HTR2A: variants seen among roughly 807,000 people sequenced by gnomAD.
HTR2A encodes the protein 5-hydroxytryptamine receptor 2A.
Under a neutral mutation model 31.0 loss-of-function variants are expected in HTR2A, and 14 were observed. That is an observed-to-expected ratio of 0.45 (90% confidence interval 0.30 to 0.71). The LOEUF (loss-of-function observed/expected upper bound fraction) is 0.71, where lower values mean the gene tolerates loss of function less well. Among genes scored for constraint, HTR2A ranks in the 30% least tolerant of loss-of-function variants. The pLI is 0.09. For missense variants in HTR2A, 442 were observed against 573.3 expected, an observed-to-expected ratio of 0.77 and a Z score of 2.34; for synonymous variants, 209 against 225.2, an observed-to-expected ratio of 0.93 and a Z score of 0.64.
intron 3 of HTR2A, among the ~76,000 whole-genome samples, chr13:46,889,038 G>A (rs557461505): frequency 2.2e-4 from 34 of 152,214 alleles, no homozygotes; most frequent in African/African-American, 8.2e-4. Context: ...AACATTATAT[G>A]TAAAAGGACT....
chr13:46,846,932 A>C (rs1351686875), intron 3 of HTR2A, among the ~76,000 whole-genome samples: 1 of 152,218 alleles, frequency 6.6e-6, no homozygotes, highest in Non-Finnish European at 1.5e-5. Context: ...CAGTCATGCA[A>C]GCCCTGGAAA....
Position 46,844,051 on chromosome 13 carries a change from CCTT to C in HTR2A, c.614-8415_614-8413del, listed in dbSNP as rs547845648. On this transcript the variant is annotated intron_variant, in intron 3 of 3. Transcript: ENST00000542664. The stretch of plus-strand genomic sequence containing the variant: ...AGAACTATTTTTCTTACTCAATATT[CCTT>C]CAACACCTCCATAAATAAATTATAC... Among the ~76,000 whole-genome samples, 235 of 152,250 alleles carry C rather than the reference CCTT, an allele frequency of 1.5e-3. 1 individual carries two copies. Among genetic ancestry groups the C allele is most frequent in the African/African-American group, 5.4e-3 (225 of 41,558 alleles).
intron 3 of HTR2A, among the ~76,000 whole-genome samples, chr13:46,841,809 G>A (rs1220922497): frequency 3.9e-5 from 6 of 152,082 alleles, no homozygotes; most frequent in Admixed American, 6.5e-5. Context: ...CTTGTCAGCC[G>A]TCACTGCAAC....
intron 3 of HTR2A, among the ~76,000 whole-genome samples, chr13:46,876,404 ATTTT>A (rs1156826300): frequency 0.028 from 1,950 of 70,904 alleles, 31 homozygotes; most frequent in African/African-American, 0.091. Context: ...ATATATATAT[ATTTT>A]TTTTTTTTTT....
chr13:46,852,216 CT>C (rs974269798), intron 3 of HTR2A: 3 of 152,376 alleles, frequency 2.0e-5, no homozygotes, highest in African/African-American at 7.2e-5. Flanking sequence ...GGACTTTTCA[CT>C]TCCAAAACTG....
At chr13:46,856,932 G>A (rs986871229) in intron 3 of HTR2A, among the ~76,000 whole-genome samples, 4 of 152,082 alleles carry the variant, frequency 2.6e-5, no homozygotes, top group Non-Finnish European at 4.4e-5. Flanking sequence ...CAAGGTGCTG[G>A]GGGGAGCCCT....
At chr13:46,845,011 CTT>C (rs76929707) in intron 3 of HTR2A, among the ~76,000 whole-genome samples, 2 of 149,456 alleles carry the variant, frequency 1.3e-5, no homozygotes, top group East Asian at 1.9e-4. Flanking sequence ...TGTCTAAGAT[CTT>C]TTTTTTTTAA....
At position 46,838,967 on chromosome 13, in the gene HTR2A, GAC is replaced by G. The variant is rs1235268895; in HGVS notation, c.614-3330_614-3329del. 3.7e-5 allele frequency among the ~76,000 whole-genome samples: 5 copies of G among 136,772 alleles called. No individual in the cohort carries two copies. In the Admixed American group the frequency reaches 3.8e-4, roughly 10 times the overall value. 89.7% of individuals were successfully genotyped at this position (136,772 alleles called of 152,430 possible). ...TTATTTGGAATAGTGTCTTTGGTTG[GAC>G]ACACACATACACACACACACACACA... is the stretch of plus-strand genomic sequence containing the variant. On this transcript the variant is annotated intron_variant, in intron 3 of 3. Coordinates refer to ENST00000542664, the MANE Select transcript of HTR2A (RefSeq NM_000621.5).
chr13:46,890,214 A>G (rs887833941), intron 3 of HTR2A, among the ~76,000 whole-genome samples: 1 of 152,208 alleles, frequency 6.6e-6, no homozygotes, highest in African/African-American at 2.4e-5. Context: ...GTGGTGGCAC[A>G]TGCCTGTAAT....
intron 3 of HTR2A, among the ~76,000 whole-genome samples, chr13:46,844,661 A>G (rs1240563250): frequency 6.6e-6 from 1 of 152,196 alleles, no homozygotes; most frequent in African/African-American, 2.4e-5. Flanking sequence ...AGTGTCTTTC[A>G]GGTAAATTAA....
At chr13:46,838,674 T>C (rs751011824) in intron 3 of HTR2A, among the ~76,000 whole-genome samples, 43 of 152,150 alleles carry the variant, frequency 2.8e-4, no homozygotes, top group Non-Finnish European at 4.7e-4. Context: ...ATTTTAATTT[T>C]GTGCAGCTAG....
At position 46,896,924 on chromosome 13, in the gene HTR2A, C is replaced by T. The variant is rs1027054018; in HGVS notation, c.-579G>A. On this transcript the variant is annotated 5_prime_UTR_variant, in exon 1 of 4. Transcript: ENST00000542664. The stretch of plus-strand genomic sequence containing the variant: ...GGTTCCTCCCTCCCTGTGCGGCTCG[C>T]CTCAGCAGGCACACATTTAGAAATC... The T allele has an allele frequency of 1.2e-5, 12 of 1,021,412 alleles. No individual in the cohort carries two copies. The highest frequency in any genetic ancestry group is 1.4e-5 in the Non-Finnish European group (10 of 699,034). The allele number at this position is 1,021,412 out of a possible 1,614,324, so 63.3% of individuals were successfully genotyped here.
rs1305564138 is a variant in HTR2A, at chr13:46,895,128, C to G, written c.412+367G>C. 6.6e-6 allele frequency among the ~76,000 whole-genome samples: 1 copy of G among 152,082 alleles called. No homozygotes were observed. The highest frequency in any genetic ancestry group is 1.9e-4 in the East Asian group (1 of 5,200). On this transcript the variant is annotated intron_variant, in intron 2 of 3. Transcript: ENST00000542664. The surrounding 1 kb of genome is among the most constrained non-coding windows in gnomAD (Gnocchi z 4.4). ...AATATTGGTTGGGAATATAAAGAAG[C>G]AAAAATCAAGTAGATTCAGAATGAT...
chr13:46,861,492 C>T (rs749782695), intron 3 of HTR2A, among the ~76,000 whole-genome samples: 1 of 152,198 alleles, frequency 6.6e-6, no homozygotes, highest in Non-Finnish European at 1.5e-5. Context: ...TTCTGGGATA[C>T]AGTTTGGGAG....
intron 2 of HTR2A, among the ~76,000 whole-genome samples, chr13:46,894,521 G>T (rs1302077583): frequency 6.6e-6 from 1 of 152,194 alleles, no homozygotes; most frequent in Non-Finnish European, 1.5e-5. Flanking sequence ...CTTGCGTACC[G>T]CCTTCCTCCT....
chr13:46,865,301 A>G (rs538477379), intron 3 of HTR2A, among the ~76,000 whole-genome samples: 1 of 152,242 alleles, frequency 6.6e-6, no homozygotes, highest in African/African-American at 2.4e-5. Flanking sequence ...CTAGCTGAGA[A>G]AGACTGCAAG....
chr13:46,872,788 T>C (rs1032426369), intron 3 of HTR2A, among the ~76,000 whole-genome samples: 6 of 152,220 alleles, frequency 3.9e-5, no homozygotes, highest in African/African-American at 1.4e-4. Context: ...AAACTGATAG[T>C]GTAGGCAGTG....
chr13:46,845,643 C>CAA (rs11394720), intron 3 of HTR2A, among the ~76,000 whole-genome samples: 3,976 of 112,722 alleles, frequency 0.035, 94 homozygotes, highest in South Asian at 0.056. Context: ...TTCATCACTC[C>CAA]AAAAAAAAAA....
At chr13:46,884,057 T>C (rs949992462) in intron 3 of HTR2A, among the ~76,000 whole-genome samples, 6 of 152,190 alleles carry the variant, frequency 3.9e-5, no homozygotes, top group African/African-American at 1.4e-4. Flanking sequence ...CTTGCTAACT[T>C]TGAAAGTTGG....
Sources: allele counts gnomAD v4.1 joint callset (sites outside exome capture counted in the v4.1 genomes callset), GRCh38; gene constraint gnomAD v4.1.1; non-coding constraint Gnocchi (gnomAD v3.1); transcripts MANE v1.5; gene names NCBI Gene and HGNC (gene_info 2026-07-23, HGNC 2026-07-21).